TLX3: variants seen among roughly 807,000 people sequenced by gnomAD.
TLX3 encodes T cell leukemia homeobox 3, also known as T-cell leukemia homeobox protein 3.
Under a neutral mutation model 19.6 loss-of-function variants are expected in TLX3, and 11 were observed. That is an observed-to-expected ratio of 0.56 (90% CI 0.35 to 0.93). TLX3 has a LOEUF of 0.93. Among genes scored for constraint, TLX3 ranks in the 40% least tolerant of loss-of-function variants. The probability of loss-of-function intolerance (pLI) is 0.01; values close to 1 mark genes in which losing one functional copy is unlikely to be tolerated. For missense variants in TLX3, 375 were observed against 418.6 expected, an observed-to-expected ratio of 0.90 and a Z score of 0.91; for synonymous variants, 221 against 188.1, an observed-to-expected ratio of 1.17 and a Z score of -1.43.
chr5:171,310,016 G>T lies in TLX3; in HGVS notation c.422-134G>T, dbSNP rs983882431. ...GCGAGGGGGTCTCCCGACCGGCTTG[G>T]TGTCTCTGGAAACGCGCGCGACCAG... On this transcript the variant is annotated intron_variant, in intron 1 of 2. Coordinates refer to ENST00000296921, the MANE Select transcript of TLX3 (RefSeq NM_021025.4). 4 of 1,397,110 alleles carry T rather than the reference G, an allele frequency of 2.9e-6. No individual in the cohort carries two copies. In the Admixed American group the frequency reaches 8.3e-5, roughly 29 times the overall value. The allele number at this position is 1,397,110 out of a possible 1,614,324, so 86.5% of individuals were successfully genotyped here. A position where few individuals can be genotyped will look rare whatever the true frequency, so the allele number is the denominator to read the frequency against.
chr5:171,309,824 C>G (rs768373073), intron 1 of TLX3, 38 bp downstream of exon 1: 4 of 1,523,288 alleles, frequency 2.6e-6, no homozygotes, highest in Non-Finnish European at 3.5e-6. Context: ...GGCCTCCGCC[C>G]TCTCGGGGCC....
At chr5:171,310,036 G>T in intron 1 of TLX3, 114 bp from the exon 2 acceptor site, 1 of 1,430,996 alleles carries the variant, frequency 7.0e-7, no homozygotes, top group Non-Finnish European at 9.2e-7. Context: ...AAACGCGCGC[G>T]ACCAGCGAAA....
Position 171,311,256 on chromosome 5 carries a change from G to T in TLX3, c.666-133G>T, listed in dbSNP as rs143050745. ...ATAAGAGCCTCGGGCGTAAAGCGCG[G>T]GCTGGGAGGCAGACGGGTTCTGCGC... is the stretch of plus-strand genomic sequence containing the variant. On this transcript the variant is annotated intron_variant, in intron 2 of 2. Coordinates refer to ENST00000296921, the MANE Select transcript of TLX3 (RefSeq NM_021025.4). The surrounding 1 kb of genome is among the most constrained non-coding windows in gnomAD (Gnocchi z 5.1). The T allele has an allele frequency of 1.5e-3, 1,052 of 699,350 alleles. 17 individuals carry two copies. In the East Asian group the frequency reaches 0.028, roughly 19 times the overall value. The allele number at this position is 699,350 out of a possible 1,614,324, so 43.3% of individuals were successfully genotyped here.
In TLX3 at chr5:171,309,329, C is replaced by T. The variant is rs1466309289; in HGVS notation, c.-37C>T. 1 of 914,710 alleles carries T rather than the reference C, an allele frequency of 1.1e-6. No homozygotes were observed. The highest frequency in any genetic ancestry group is 1.6e-6 in the Non-Finnish European group (1 of 606,922). The allele number at this position is 914,710 out of a possible 1,614,324, so 56.7% of individuals were successfully genotyped here. On this transcript the variant is annotated 5_prime_UTR_variant, in exon 1 of 3. Transcript: ENST00000296921. ...GCCGTAACGGGGACCCAGCCGCCTC[C>T]CCGCCCAGCCCAGCCCAGCCCTTCC... is the stretch of plus-strand genomic sequence containing the variant.
rs1294910279 is a variant in TLX3 at position 171,311,929 on chromosome 5, A to T, written c.*330A>T. On this transcript the variant is annotated 3_prime_UTR_variant, in exon 3 of 3. Transcript: ENST00000296921. The surrounding 1 kb of genome is among the most constrained non-coding windows in gnomAD (Gnocchi z 5.1). ...ACTTTGTACTTTTGCCCAAACGTGTAAATAATAAAAAAGTTTTGGCTTTTT... is the reference window on the plus strand; with the variant it reads ...ACTTTGTACTTTTGCCCAAACGTGTTAATAATAAAAAAGTTTTGGCTTTTT... 4.6e-6 allele frequency: 1 copy of T among 219,352 alleles called. No homozygotes were observed. The highest frequency in any genetic ancestry group is 9.1e-6 in the Non-Finnish European group (1 of 110,076). The allele number at this position is 219,352 out of a possible 1,614,324, so 13.6% of individuals were successfully genotyped here. A position where few individuals can be genotyped will look rare whatever the true frequency, so the allele number is the denominator to read the frequency against.
In TLX3 at chr5:171,311,455, A is replaced by G. The variant is rs1356998778; in HGVS notation, c.732A>G (p.Gln244=). The change falls in exon 3 of 3, where the codon CAA becomes CAG. Residue 244 remains glutamine (Q), a synonymous_variant. Transcript: ENST00000296921. The surrounding 1 kb of genome is among the most constrained non-coding windows in gnomAD (Gnocchi z 5.1). ...QQASRLMLQL[Q]HDAFQKSLND... is the part of the protein sequence containing the mutation. ...CGAGCCGGCTCATGCTGCAGCTGCAACACGACGCCTTCCAAAAGAGCCTCA... is the reference window on the plus strand; with the variant it reads ...CGAGCCGGCTCATGCTGCAGCTGCAGCACGACGCCTTCCAAAAGAGCCTCA... The G allele has an allele frequency of 6.3e-7, 1 of 1,597,418 alleles. No homozygotes were observed. The highest frequency in any genetic ancestry group is 8.5e-7 in the Non-Finnish European group (1 of 1,172,542).
Position 171,311,669 on chromosome 5 carries a change from G to C in TLX3, c.*70G>C, listed in dbSNP as rs1328261536. 3.2e-6 allele frequency: 4 copies of C among 1,246,512 alleles called. No homozygotes were observed. The highest frequency in any genetic ancestry group is 4.4e-6 in the Non-Finnish European group (4 of 900,052). 77.2% of individuals were successfully genotyped at this position (1,246,512 alleles called of 1,614,324 possible). On this transcript the variant is annotated 3_prime_UTR_variant, in exon 3 of 3. Coordinates refer to ENST00000296921, the MANE Select transcript of TLX3 (RefSeq NM_021025.4). The surrounding 1 kb of genome is among the most constrained non-coding windows in gnomAD (Gnocchi z 5.1). Reference sequence around the variant, plus strand: ...GCCGGGCGCCCCGGACCCCCCAGGCGGGCTGCGGGGGAACCGGCGCCGAGA... The same window carrying C: ...GCCGGGCGCCCCGGACCCCCCAGGCCGGCTGCGGGGGAACCGGCGCCGAGA...
rs1051308012 is a variant in TLX3 at position 171,311,299 on chromosome 5, G to T, written c.666-90G>T. 158 of 1,203,098 alleles carry T rather than the reference G, an allele frequency of 1.3e-4. No individual in the cohort carries two copies. The highest frequency in any genetic ancestry group is 1.7e-4 in the Non-Finnish European group (146 of 875,494). 74.5% of individuals were successfully genotyped at this position (1,203,098 alleles called of 1,614,324 possible). ...TTCTGCGCCTCGAGGCTCCCGGATGGCCTCGGCTCCCGGGAGGGCCGGGGC... is the reference window on the plus strand; with the variant it reads ...TTCTGCGCCTCGAGGCTCCCGGATGTCCTCGGCTCCCGGGAGGGCCGGGGC... On this transcript the variant is annotated intron_variant, in intron 2 of 2. Transcript: ENST00000296921. The surrounding 1 kb of genome is among the most constrained non-coding windows in gnomAD (Gnocchi z 5.1).
rs1249260900 is a variant in TLX3, at chr5:171,311,629, C to T, written c.*30C>T. 1.3e-6 allele frequency: 2 copies of T among 1,556,874 alleles called. No individual in the cohort carries two copies. The highest frequency in any genetic ancestry group is 8.7e-7 in the Non-Finnish European group (1 of 1,143,134). ...ACCAGCGCGCACCGTCGCCACGGATCGCCGCCCCCACCCAGCCGGGCGCCC... is the reference window on the plus strand; with the variant it reads ...ACCAGCGCGCACCGTCGCCACGGATTGCCGCCCCCACCCAGCCGGGCGCCC... On this transcript the variant is annotated 3_prime_UTR_variant, in exon 3 of 3. Coordinates refer to ENST00000296921, the MANE Select transcript of TLX3 (RefSeq NM_021025.4). This position sits in a 1 kb window ranked among gnomAD's most constrained non-coding sequence, Gnocchi z 5.1.
rs201757280 is a variant in TLX3, at chr5:171,309,365, G to C, written c.-1G>C. The C allele has an allele frequency of 7.2e-7, 1 of 1,396,458 alleles. No homozygotes were observed. Among genetic ancestry groups the C allele is most frequent in the Admixed American group, 1.9e-5 (1 of 52,874 alleles). The allele number at this position is 1,396,458 out of a possible 1,614,324, so 86.5% of individuals were successfully genotyped here. Reference sequence around the variant, plus strand: ...CAGCCCAGCCCTTCCGCCCGCCCAGGATGGAGGCGCCCGCCAGCGCGCAGA... The same window carrying C: ...CAGCCCAGCCCTTCCGCCCGCCCAGCATGGAGGCGCCCGCCAGCGCGCAGA... On this transcript the variant is annotated 5_prime_UTR_variant, in exon 1 of 3. Coordinates refer to ENST00000296921, the MANE Select transcript of TLX3 (RefSeq NM_021025.4).
rs1222423705 is a variant in TLX3 at position 171,309,374 on chromosome 5, G to A, written c.9G>A (p.Ala3=). ME[A]PASAQTPHPH... ...CCTTCCGCCCGCCCAGGATGGAGGCGCCCGCCAGCGCGCAGACCCCGCACC... is the reference window on the plus strand; with the variant it reads ...CCTTCCGCCCGCCCAGGATGGAGGCACCCGCCAGCGCGCAGACCCCGCACC... Residue 3 remains alanine, a synonymous_variant, in exon 1 of 3, where the codon GCG becomes GCA. Transcript: ENST00000296921. The A allele has an allele frequency of 1.3e-6, 2 of 1,572,530 alleles. No individual in the cohort carries two copies. Among genetic ancestry groups the A allele is most frequent in the African/African-American group, 1.4e-5 (1 of 70,772 alleles).
intron 1 of TLX3, 37 bp downstream of exon 1, chr5:171,309,823 C>G (rs760277615): frequency 6.6e-7 from 1 of 1,523,656 alleles, no homozygotes; most frequent in Non-Finnish European, 8.8e-7. Context: ...AGGCCTCCGC[C>G]CTCTCGGGGC....
At position 171,309,635 on chromosome 5, in the gene TLX3, G is replaced by A. The variant is rs1769184900; in HGVS notation, c.270G>A (p.Val90=). The change falls in exon 1 of 3, where the codon GTG becomes GTA. Residue 90 remains valine, a synonymous_variant. Coordinates refer to ENST00000296921, the MANE Select transcript of TLX3 (RefSeq NM_021025.4). ...TAGCGCCCGCAGGCGTGATCCGGGT[G>A]CCGGCGCACAGGCCGCTGCCCGGGG... The part of the protein sequence containing the change: ...LSLAPAGVIR[V]PAHRPLPGAV... The A allele has an allele frequency of 6.2e-7, 1 of 1,608,052 alleles. No homozygotes were observed. The highest frequency in any genetic ancestry group is 1.3e-5 in the African/African-American group (1 of 74,924).
rs1034037496 is a variant in TLX3, at chr5:171,311,323, G to A, written c.666-66G>A. ...GGCCTCGGCTCCCGGGAGGGCCGGGGCCCCGCCGGCGGCCCCGCGGTGCCG... is the reference window on the plus strand; with the variant it reads ...GGCCTCGGCTCCCGGGAGGGCCGGGACCCCGCCGGCGGCCCCGCGGTGCCG... On this transcript the variant is annotated intron_variant, in intron 2 of 2. Coordinates refer to ENST00000296921, the MANE Select transcript of TLX3 (RefSeq NM_021025.4). The surrounding 1 kb of genome is among the most constrained non-coding windows in gnomAD (Gnocchi z 5.1). 8 of 1,452,458 alleles carry A rather than the reference G, an allele frequency of 5.5e-6. No homozygotes were observed. The highest frequency in any genetic ancestry group is 7.4e-6 in the Non-Finnish European group (8 of 1,086,364). The allele number at this position is 1,452,458 out of a possible 1,614,324, so 90.0% of individuals were successfully genotyped here.
Position 171,310,253 on chromosome 5 carries a change from G to C in TLX3, c.525G>C (p.Arg175=). ...KRKKPRTSFS[R]VQICELEKRF... Reference sequence around the variant, plus strand: ...AGAAGCCGCGCACGTCCTTTTCCCGGGTGCAGATCTGCGAGCTGGAAAAGC... The same window carrying C: ...AGAAGCCGCGCACGTCCTTTTCCCGCGTGCAGATCTGCGAGCTGGAAAAGC... Residue 175 remains arginine, a synonymous_variant, in exon 2 of 3, where the codon CGG becomes CGC. Coordinates refer to ENST00000296921, the MANE Select transcript of TLX3 (RefSeq NM_021025.4). 1 of 1,570,916 alleles carries C rather than the reference G, an allele frequency of 6.4e-7. No homozygotes were observed. The highest frequency in any genetic ancestry group is 8.6e-7 in the Non-Finnish European group (1 of 1,158,548).
At chr5:171,309,988 G>C (rs1769193513) in intron 1 of TLX3, among the ~76,000 whole-genome samples, 162 bp from the exon 2 acceptor site, 1 of 152,262 alleles carries the variant, frequency 6.6e-6, no homozygotes, top group Non-Finnish European at 1.5e-5. Context: ...GAAGGGACAG[G>C]GGGCGAGGGG....
chr5:171,309,916 C>T, intron 1 of TLX3, 130 bp downstream of exon 1: 2 of 1,340,836 alleles, frequency 1.5e-6, no homozygotes, highest in Non-Finnish European at 2.0e-6. Flanking sequence ...CCCCAGGGCC[C>T]CGGGCAGCCG....
chr5:171,309,324 G>GCCGGCCCCCCC lies in TLX3; in HGVS notation c.-40_-39insGGCCCCCCCCC. The GCCGGCCCCCCC allele has an allele frequency of 1.6e-6, 2 of 1,259,518 alleles. No homozygotes were observed. 78.0% of individuals were successfully genotyped at this position (1,259,518 alleles called of 1,614,324 possible). A position where few individuals can be genotyped will look rare whatever the true frequency, so the allele number is the denominator to read the frequency against. ...GCCGCGCCGTAACGGGGACCCAGCCGCCTCCCCGCCCAGCCCAGCCCAGCC... is the reference window on the plus strand; with the variant it reads ...GCCGCGCCGTAACGGGGACCCAGCCGCCGGCCCCCCCCCTCCCCGCCCAGCCCAGCCCAGCC... On this transcript the variant is annotated 5_prime_UTR_variant, in exon 1 of 3. Transcript: ENST00000296921.
chr5:171,310,094 G>A (rs1769195543), intron 1 of TLX3, 56 bp from the exon 2 acceptor site: 1 of 1,525,538 alleles, frequency 6.6e-7, no homozygotes, highest in Non-Finnish European at 8.8e-7. Context: ...TCCGCATGGG[G>A]CCTGAACGGT....
Sources: gnomAD v4.1 joint callset for allele counts (sites outside exome capture counted in the v4.1 genomes callset) on GRCh38, gnomAD v4.1.1 for gene constraint, Gnocchi (gnomAD v3.1) non-coding constraint, MANE v1.5 for transcripts, NCBI Gene and HGNC (gene_info 2026-07-23, HGNC 2026-07-21) for gene names.